GRIP1: variants seen among roughly 807,000 people sequenced by gnomAD.
The protein encoded by GRIP1 is glutamate receptor-interacting protein 1.
In GRIP1, 45 loss-of-function variants were observed where a neutral mutation model predicts 129.9. The ratio of observed to expected loss-of-function variants is 0.35; its 90% confidence interval spans 0.27 to 0.44. GRIP1 has a LOEUF of 0.44. Ranked by LOEUF, GRIP1 falls within the 20% of genes least tolerant of loss-of-function variation. GRIP1 has a pLI of 1.00. For synonymous variants in GRIP1, 530 were observed against 520.8 expected (o/e 1.02, Z -0.24); for missense variants, 1,196 against 1,396.8 (o/e 0.86, Z 2.29).
intron 19 of GRIP1, among the ~76,000 whole-genome samples, chr12:66,387,682 C>T (rs1410967205): frequency 1.3e-5 from 2 of 152,156 alleles, no homozygotes; most frequent in Non-Finnish European, 2.9e-5. Context: ...AAAGCCATCA[C>T]CTCTATAAAA....
At chr12:66,749,633 A>G (rs2037062521) in intron 1 of GRIP1, among the ~76,000 whole-genome samples, 1 of 152,186 alleles carries the variant, frequency 6.6e-6, no homozygotes, top group South Asian at 2.1e-4. Flanking sequence ...CCACTTGGGA[A>G]TAAGTGGGGA....
At chr12:66,512,501 A>G (rs1052209163) in intron 7 of GRIP1, among the ~76,000 whole-genome samples, 10 of 151,172 alleles carry the variant, frequency 6.6e-5, no homozygotes, top group African/African-American at 2.4e-4. Context: ...AGTGATAGAA[A>G]GCTATTACAA....
intron 1 of GRIP1, among the ~76,000 whole-genome samples, chr12:67,048,818 C>T (rs1342381831): frequency 1.3e-5 from 2 of 152,190 alleles, no homozygotes; most frequent in Non-Finnish European, 2.9e-5. Flanking sequence ...TTGCCTGCCA[C>T]CATCCATGTA....
chr12:66,858,315 T>C (rs2040042611), intron 1 of GRIP1, among the ~76,000 whole-genome samples: 1 of 151,934 alleles, frequency 6.6e-6, no homozygotes, highest in African/African-American at 2.4e-5. Context: ...TACTGCTTCT[T>C]TGCAAGAATT....
At chr12:66,469,247 C>G (rs74098335) in intron 7 of GRIP1, among the ~76,000 whole-genome samples, 1 of 152,094 alleles carries the variant, frequency 6.6e-6, no homozygotes, top group African/African-American at 2.4e-5. Context: ...AATAAAATTT[C>G]CCTAGTCATT....
At chr12:66,624,389 T>C (rs1009524053) in intron 1 of GRIP1, among the ~76,000 whole-genome samples, 1 of 152,166 alleles carries the variant, frequency 6.6e-6, no homozygotes, top group Non-Finnish European at 1.5e-5. Context: ...GCTATGATTG[T>C]GATTAATCCC....
chr12:66,746,548 A>G (rs2036952185), intron 1 of GRIP1, among the ~76,000 whole-genome samples: 1 of 152,132 alleles, frequency 6.6e-6, no homozygotes. Flanking sequence ...AGCTGTTGTT[A>G]AGGCACTAAG....
rs114989523 is a variant in GRIP1 at position 67,048,453 on chromosome 12, C to T, written c.58+20597G>A. 1.5e-3 allele frequency among the ~76,000 whole-genome samples: 228 copies of T among 152,130 alleles called. 2 individuals carry two copies. The highest frequency in any genetic ancestry group is 4.6e-3 in the African/African-American group (191 of 41,490). On this transcript the variant is annotated intron_variant, in intron 1 of 1. Transcript: ENST00000643019. ...TTATATATGTAAACGTATACATATA[C>T]GCACACACATACATTTTTTTTTTTA...
chr12:66,454,181 G>T (rs533686459), intron 11 of GRIP1, among the ~76,000 whole-genome samples: 1 of 152,132 alleles, frequency 6.6e-6, no homozygotes, highest in African/African-American at 2.4e-5. Flanking sequence ...TCCCAGTGTG[G>T]GTGATAGCTG....
chr12:66,834,342 T>C (rs540707436), intron 1 of GRIP1, among the ~76,000 whole-genome samples: 3 of 152,138 alleles, frequency 2.0e-5, no homozygotes, highest in Non-Finnish European at 4.4e-5. Context: ...AACCTTTATA[T>C]TGTACTGCGT....
intron 1 of GRIP1, among the ~76,000 whole-genome samples, chr12:67,066,461 T>C (rs187332713): frequency 1.4e-4 from 22 of 152,290 alleles, no homozygotes; most frequent in South Asian, 2.1e-4. Context: ...TAGAGTAATC[T>C]CCATAATGGG....
intron 1 of GRIP1, among the ~76,000 whole-genome samples, chr12:67,030,035 C>T (rs1358231995): frequency 2.2e-5 from 2 of 90,828 alleles, no homozygotes; most frequent in African/African-American, 7.0e-5. Flanking sequence ...CCCGTCTCTA[C>T]TAAAAATACA....
chr12:66,551,247 C>T (rs941748597), intron 2 of GRIP1, among the ~76,000 whole-genome samples: 1 of 152,172 alleles, frequency 6.6e-6, no homozygotes, highest in African/African-American at 2.4e-5. Flanking sequence ...TACCTTTCTG[C>T]AATTCACATT....
At chr12:66,733,794 C>A (rs1361086799) in intron 1 of GRIP1, among the ~76,000 whole-genome samples, 1 of 152,178 alleles carries the variant, frequency 6.6e-6, no homozygotes, top group East Asian at 1.9e-4. Flanking sequence ...AGACAGCCTT[C>A]TTCAAATTTT....
intron 1 of GRIP1, among the ~76,000 whole-genome samples, chr12:67,019,631 T>C (rs1324534727): frequency 6.6e-6 from 1 of 152,138 alleles, no homozygotes; most frequent in Non-Finnish European, 1.5e-5. Flanking sequence ...ATTGTTAATA[T>C]TACTGAACGT....
chr12:67,006,286 G>A (rs1423215243), intron 1 of GRIP1, among the ~76,000 whole-genome samples: 1 of 152,080 alleles, frequency 6.6e-6, no homozygotes, highest in African/African-American at 2.4e-5. Context: ...AAAGCCAGGC[G>A]AGGCATGGTA....
intron 1 of GRIP1, among the ~76,000 whole-genome samples, chr12:66,676,163 C>A (rs2034318225): frequency 6.6e-6 from 1 of 151,984 alleles, no homozygotes; most frequent in East Asian, 1.9e-4. Flanking sequence ...ATAAATTGTC[C>A]CAGCCCAGAA....
chr12:67,056,515 AG>A (rs34645069), intron 1 of GRIP1, among the ~76,000 whole-genome samples: 1 of 151,910 alleles, frequency 6.6e-6, no homozygotes, highest in African/African-American at 2.4e-5. Context: ...CCAGCTAGCA[AG>A]GGGGAAGCTG....
At chr12:66,519,587 T>C (rs947469318) in intron 5 of GRIP1, among the ~76,000 whole-genome samples, 11 of 152,234 alleles carry the variant, frequency 7.2e-5, no homozygotes, top group African/African-American at 2.7e-4. Flanking sequence ...TTTCTTGATA[T>C]GTGGCATTTT....
Sources: allele counts gnomAD v4.1 joint callset (sites outside exome capture counted in the v4.1 genomes callset), GRCh38; gene constraint gnomAD v4.1.1; transcripts MANE v1.5; gene names NCBI Gene and HGNC (gene_info 2026-07-23, HGNC 2026-07-21).